The following PACS2 variants were observed in gnomAD, a reference collection of about 807,000 sequenced individuals.
PACS2 encodes the protein PACS1-like protein.
A neutral mutation model predicts 113.0 loss-of-function variants in PACS2; 36 were observed. The observed-to-expected ratio is 0.32, with a 90% CI of 0.24 to 0.42. The LOEUF (loss-of-function observed/expected upper bound fraction) is 0.42, where lower values mean the gene tolerates loss of function less well. PACS2 is among the 10% of genes least tolerant of loss of function. The pLI, the probability that PACS2 is intolerant of heterozygous loss-of-function variation, is 1.00. For missense variants in PACS2, 1,015 were observed against 1,239.5 expected (o/e 0.82, Z 2.72); for synonymous variants, 589 against 536.1 (o/e 1.10, Z -1.36).
chr14:105,368,675 C>G (rs1555408616), intron 7 of PACS2, 136 bp downstream of exon 7: 6 of 683,822 alleles, frequency 8.8e-6, no homozygotes, highest in Non-Finnish European at 1.6e-5. Flanking sequence ...CCGTGGCAGA[C>G]CCCCTGATTG....
rs141869986 is a variant in PACS2 at position 105,302,928 on chromosome 14, G to A, written c.-83+1949G>A. On this transcript the variant is annotated intron_variant, in intron 1 of 23. Coordinates refer to the PACS2 transcript ENST00000430725. ...TTACAGGCATGAGCCACTGCTCCCC[G>A]CCCTTTCTCTAGTTCTTTTTTTTTT... Among the ~76,000 whole-genome samples, 561 of 148,264 alleles carry A rather than the reference G, an allele frequency of 3.8e-3. 1 individual carries two copies. The highest frequency in any genetic ancestry group is 0.013 in the African/African-American group (534 of 39,712).
chr14:105,392,359 C>T, intron 22 of PACS2: 2 of 532,926 alleles, frequency 3.8e-6, no homozygotes, highest in Non-Finnish European at 6.7e-6. Context: ...CTCCAAGGGG[C>T]AGCTTGGAGA....
At position 105,394,882 on chromosome 14, in the gene PACS2, C is replaced by G; in HGVS notation, c.*210C>G. ...CTGCTTATTAACCCGAACGTTCGGC[C>G]CGGGGCTGGGAAGCCAGAAGGACGA... On this transcript the variant is annotated 3_prime_UTR_variant, in exon 25 of 25. Coordinates refer to ENST00000447393, the MANE Select transcript of PACS2 (RefSeq NM_001100913.3). 1 of 545,034 alleles carries G rather than the reference C, an allele frequency of 1.8e-6. No individual in the cohort carries two copies. Among genetic ancestry groups the G allele is most frequent in the Admixed American group, 3.1e-5 (1 of 32,574 alleles). The allele number at this position is 545,034 out of a possible 1,614,324, so 33.8% of individuals were successfully genotyped here. A position where few individuals can be genotyped will look rare whatever the true frequency, so the allele number is the denominator to read the frequency against.
chr14:105,360,338 G>A (rs1244881420), intron 4 of PACS2, among the ~76,000 whole-genome samples: 1 of 151,936 alleles, frequency 6.6e-6, no homozygotes, highest in African/African-American at 2.4e-5. Context: ...TCAGGTGTTC[G>A]AAACCAGCCT....
At chr14:105,392,105 A>T in intron 22 of PACS2, 1 of 377,360 alleles carries the variant, frequency 2.6e-6, no homozygotes. Flanking sequence ...GACGGTCCTC[A>T]TGGGATGAGC....
At chr14:105,361,664 A>T (rs1255198045) in intron 4 of PACS2, among the ~76,000 whole-genome samples, 1 of 150,840 alleles carries the variant, frequency 6.6e-6, no homozygotes, top group Non-Finnish European at 1.5e-5. Context: ...CAAAAAAATT[A>T]GTGGGCCGGG....
In PACS2 at chr14:105,348,107, G is replaced by A. The variant is rs76067316; in HGVS notation, c.120-386G>A. 8.3e-4 allele frequency among the ~76,000 whole-genome samples: 127 copies of A among 152,278 alleles called. 3 individuals are homozygous for A. In the East Asian group the frequency reaches 0.024, roughly 29 times the overall value. On this transcript the variant is annotated intron_variant, in intron 1 of 24. Coordinates refer to ENST00000447393, the MANE Select transcript of PACS2 (RefSeq NM_001100913.3). This position sits in a 1 kb window ranked among gnomAD's most constrained non-coding sequence, Gnocchi z 6.4. ...TGGGCCTGGGGCTGGATAGGGCCGC[G>A]GGAGAGGGGAGGCCTGTGCTCTCAC...
At position 105,376,168 on chromosome 14, in the gene PACS2, C is replaced by T. The variant is rs781801390; in HGVS notation, c.802-600C>T. On this transcript the variant is annotated intron_variant, in intron 8 of 24. Transcript: ENST00000447393. The surrounding 1 kb of genome is among the most constrained non-coding windows in gnomAD (Gnocchi z 4.7). ...TCCAGTTACCTCCACTTGTCCTGCC[C>T]TTGGCACGTGGGGCTTATGGGGATT... is the stretch of plus-strand genomic sequence containing the variant. 2.6e-5 allele frequency among the ~76,000 whole-genome samples: 4 copies of T among 152,086 alleles called. No homozygotes were observed. Among genetic ancestry groups the T allele is most frequent in the Non-Finnish European group, 4.4e-5 (3 of 68,014 alleles).
intron 1 of PACS2, among the ~76,000 whole-genome samples, chr14:105,326,129 G>A (rs1326968837): frequency 1.3e-5 from 2 of 152,236 alleles, no homozygotes; most frequent in African/African-American, 2.4e-5. Context: ...GACTTTTCAT[G>A]GGCATTGCAT....
chr14:105,318,325 G>A (rs587626034), intron 1 of PACS2, among the ~76,000 whole-genome samples: 5 of 152,182 alleles, frequency 3.3e-5, no homozygotes, highest in Admixed American at 6.5e-5. Flanking sequence ...TTGTGGCCCA[G>A]ACTGGGGTGC....
chr14:105,377,933 G>A (rs1555410871), intron 9 of PACS2, among the ~76,000 whole-genome samples: 1 of 152,248 alleles, frequency 6.6e-6, no homozygotes, highest in Non-Finnish European at 1.5e-5. Flanking sequence ...CCAGCGTGGT[G>A]GTTGGTGGAG....
intron 5 of PACS2, among the ~76,000 whole-genome samples, 176 bp from the exon 6 acceptor site, chr14:105,367,898 C>T (rs1265509169): frequency 6.6e-6 from 1 of 151,644 alleles, no homozygotes; most frequent in Non-Finnish European, 1.5e-5. Flanking sequence ...TGCCAGTGGA[C>T]TTGGGGGACT....
intron 7 of PACS2, among the ~76,000 whole-genome samples, chr14:105,369,203 C>T (rs2061059853): frequency 1.3e-5 from 2 of 152,256 alleles, no homozygotes; most frequent in African/African-American, 4.8e-5. Context: ...GTGCCAGGGA[C>T]GGGCAAGCTG....
At position 105,324,450 on chromosome 14, in the gene PACS2, C is replaced by T. The variant is rs1019657661; in HGVS notation, c.119+9413C>T. On this transcript the variant is annotated intron_variant, in intron 1 of 24. Transcript: ENST00000447393. The surrounding 1 kb of genome is among the most constrained non-coding windows in gnomAD (Gnocchi z 4.7). ...GGAGGGTCTCTGTAGGACAGGCTCC[C>T]GCTGAGGGCAGCCCTGAGGCCTGTG... 5.3e-5 allele frequency among the ~76,000 whole-genome samples: 8 copies of T among 152,306 alleles called. No individual in the cohort carries two copies. The highest frequency in any genetic ancestry group is 3.3e-4 in the Admixed American group (5 of 15,310).
In PACS2 at chr14:105,348,880, C is replaced by T; in HGVS notation, c.207+300C>T. 1 of 354,134 alleles carries T rather than the reference C, an allele frequency of 2.8e-6. No individual in the cohort carries two copies. Among genetic ancestry groups the T allele is most frequent in the Non-Finnish European group, 5.3e-6 (1 of 189,796 alleles). 21.9% of individuals were successfully genotyped at this position (354,134 alleles called of 1,614,324 possible). On this transcript the variant is annotated intron_variant, in intron 2 of 24. Coordinates refer to ENST00000447393, the MANE Select transcript of PACS2 (RefSeq NM_001100913.3). This position sits in a 1 kb window ranked among gnomAD's most constrained non-coding sequence, Gnocchi z 6.4. ...ATGGACGGGCCCCAAGCACCTGGAG[C>T]CAGGGCTTCCCTGCTGCACTCAGCA...
At position 105,337,342 on chromosome 14, in the gene PACS2, G is replaced by A. The variant is rs1595611299; in HGVS notation, c.120-11151G>A. On this transcript the variant is annotated intron_variant, in intron 1 of 24. Transcript: ENST00000447393. ...GTTTCAGTTGCGCAAGGTGAAGAGA[G>A]TTCTCGGGATGGATGGCGGTGAGGG... is the stretch of plus-strand genomic sequence containing the variant. Among the ~76,000 whole-genome samples, 8 of 152,336 alleles carry A rather than the reference G, an allele frequency of 5.3e-5. 1 individual carries two copies. In the South Asian group the frequency reaches 1.7e-3, roughly 32 times the overall value.
Position 105,379,843 on chromosome 14 carries a change from C to T in PACS2, c.1050+14C>T. ...CCCCCAAGCCCGGTGAGTGGGGCCA[C>T]ACTGATCTCCCAGAGCAGACCGTGG... On this transcript the variant is annotated intron_variant, in intron 10 of 24. Coordinates refer to ENST00000447393, the MANE Select transcript of PACS2 (RefSeq NM_001100913.3). The T allele has an allele frequency of 1.2e-6, 2 of 1,608,580 alleles. No individual in the cohort carries two copies. The highest frequency in any genetic ancestry group is 2.2e-5 in the South Asian group (2 of 91,002).
At chr14:105,344,763 A>G (rs2059856702) in intron 1 of PACS2, among the ~76,000 whole-genome samples, 1 of 152,186 alleles carries the variant, frequency 6.6e-6, no homozygotes, top group African/African-American at 2.4e-5. Context: ...CTTTATCATT[A>G]TAATTTCCTT....
At chr14:105,364,154 G>A (rs1034828509) in intron 4 of PACS2, among the ~76,000 whole-genome samples, 2 of 152,252 alleles carry the variant, frequency 1.3e-5, no homozygotes, top group East Asian at 1.9e-4. Context: ...AAGTGAACAC[G>A]TGCTGTTGGA....
Sources: gnomAD v4.1 joint callset for allele counts (sites outside exome capture counted in the v4.1 genomes callset) on GRCh38, gnomAD v4.1.1 for gene constraint, Gnocchi (gnomAD v3.1) non-coding constraint, MANE v1.5 for transcripts, NCBI Gene and HGNC (gene_info 2026-07-23, HGNC 2026-07-21) for gene names.